MCM6: variants seen among roughly 807,000 people sequenced by gnomAD.
The protein encoded by MCM6 is DNA replication licensing factor MCM6.
Under a neutral mutation model 94.3 loss-of-function variants are expected in MCM6, and 46 were observed. The observed-to-expected ratio is 0.49, with a 90% CI of 0.39 to 0.62. The LOEUF (loss-of-function observed/expected upper bound fraction) is 0.62. MCM6 is among the 20% of genes least tolerant of loss of function. The probability of loss-of-function intolerance (pLI) is 0.00; values close to 1 mark genes in which losing one functional copy is unlikely to be tolerated. For synonymous variants in MCM6, 335 were observed against 351.9 expected, an observed-to-expected ratio of 0.95 and a Z score of 0.54; for missense variants, 865 against 1,017.9, an observed-to-expected ratio of 0.85 and a Z score of 2.04.
chr2:135,856,996 A>C, intron 10 of MCM6, 113 bp from the exon 11 acceptor site: 1 of 909,532 alleles, frequency 1.1e-6, no homozygotes, highest in Non-Finnish European at 1.6e-6. Context: ...AAATAATGAC[A>C]TACCCTTTTT....
At chr2:135,843,372 T>C (rs1679608181) in intron 16 of MCM6, among the ~76,000 whole-genome samples, 1 of 152,160 alleles carries the variant, frequency 6.6e-6, no homozygotes, top group African/African-American at 2.4e-5. Context: ...AGTAGATGGA[T>C]AAATTCATAA....
intron 13 of MCM6, 30 bp downstream of exon 13, chr2:135,851,372 G>A: frequency 1.3e-6 from 2 of 1,580,876 alleles, no homozygotes; most frequent in Non-Finnish European, 1.7e-6. Flanking sequence ...GTTTATCTCT[G>A]CTCTCATCAT....
At chr2:135,866,330 AT>A in intron 5 of MCM6, 53 bp from the exon 6 acceptor site, 1 of 1,593,996 alleles carries the variant, frequency 6.3e-7, no homozygotes, top group Non-Finnish European at 8.6e-7. Flanking sequence ...GGTGCTGAAC[AT>A]CAAAATTGCT....
intron 1 of MCM6, among the ~76,000 whole-genome samples, chr2:135,874,569 G>A (rs1020150197): frequency 9.9e-5 from 15 of 152,248 alleles, no homozygotes; most frequent in Non-Finnish European, 1.6e-4. Flanking sequence ...AAGGTGGAAT[G>A]AACCTGTGTC....
intron 12 of MCM6, chr2:135,852,086 C>T (rs1679787781): frequency 6.6e-6 from 1 of 152,224 alleles, no homozygotes; most frequent in African/African-American, 2.4e-5. Context: ...AGAACAGATG[C>T]TCTTTTTTAC....
chr2:135,868,606 A>G lies in MCM6; in HGVS notation c.615+5T>C. On this transcript the variant is annotated splice_donor_5th_base_variant and intron_variant, in intron 4 of 16. Coordinates refer to ENST00000264156, the MANE Select transcript of MCM6 (RefSeq NM_005915.6). ...CTCTGATCTAAACAGATGTTAAATA[A>G]ATACCTTTTGAAAATCAACAAATCT... The G allele has an allele frequency of 1.2e-6, 2 of 1,613,702 alleles. No individual in the cohort carries two copies. The highest frequency in any genetic ancestry group is 1.7e-6 in the Non-Finnish European group (2 of 1,179,572).
At chr2:135,867,909 C>T (rs546105483) in intron 4 of MCM6, among the ~76,000 whole-genome samples, 2 of 152,212 alleles carry the variant, frequency 1.3e-5, no homozygotes, top group South Asian at 4.1e-4. Flanking sequence ...CACCTGTAGT[C>T]CCAGCTACTC....
intron 13 of MCM6, among the ~76,000 whole-genome samples, chr2:135,849,652 A>G (rs1187000044): frequency 2.6e-5 from 4 of 152,194 alleles, no homozygotes; most frequent in African/African-American, 9.7e-5. Context: ...CATGGTACCA[A>G]TGTAAGAGGA....
At position 135,842,507 on chromosome 2, in the gene MCM6, C is replaced by T. The variant is rs567043169; in HGVS notation, c.2350-1556G>A. Among the ~76,000 whole-genome samples, 16 of 152,238 alleles carry T rather than the reference C, an allele frequency of 1.1e-4. No individual in the cohort carries two copies. In the South Asian group the frequency reaches 2.5e-3, roughly 24 times the overall value. On this transcript the variant is annotated intron_variant, in intron 16 of 16. Coordinates refer to ENST00000264156, the MANE Select transcript of MCM6 (RefSeq NM_005915.6). ...TATGTGCCAGGTACCACTGTAGCTC[C>T]GGGGCAAAGTCTCTACCCTCACAGA... is the stretch of plus-strand genomic sequence containing the variant.
intron 2 of MCM6, among the ~76,000 whole-genome samples, chr2:135,870,611 T>C (rs1421982316): frequency 6.6e-6 from 1 of 152,234 alleles, no homozygotes. Flanking sequence ...TAAATAATCA[T>C]ACAGCACCCA....
intron 6 of MCM6, 62 bp from the exon 7 acceptor site, chr2:135,865,225 G>C: frequency 8.5e-7 from 1 of 1,171,066 alleles, no homozygotes; most frequent in African/African-American, 1.6e-5. Flanking sequence ...GCATAAAGGA[G>C]AAGAAACTTC....
chr2:135,844,422 T>C (rs964006965), intron 16 of MCM6, 123 bp downstream of exon 16: 1 of 757,592 alleles, frequency 1.3e-6, no homozygotes, highest in Non-Finnish European at 1.9e-6. Flanking sequence ...CTCATACTTC[T>C]GACTACACTC....
At chr2:135,853,817 A>C (rs1477520763) in intron 11 of MCM6, among the ~76,000 whole-genome samples, 1 of 152,218 alleles carries the variant, frequency 6.6e-6, no homozygotes, top group Non-Finnish European at 1.5e-5. Flanking sequence ...GACAGTAAGC[A>C]ATAAAGCAAA....
chr2:135,854,786 TTG>T (rs2105579912), intron 11 of MCM6, among the ~76,000 whole-genome samples: 1 of 152,020 alleles, frequency 6.6e-6, no homozygotes, highest in East Asian at 1.9e-4. Context: ...GGTGGGAGGA[TTG>T]TGTTAGCCCA....
At chr2:135,872,915 A>G in intron 1 of MCM6, 72 bp from the exon 2 acceptor site, 3 of 1,556,834 alleles carry the variant, frequency 1.9e-6, no homozygotes, top group East Asian at 2.3e-5. Context: ...AATTCAGAAC[A>G]TTGGTTAAAG....
chr2:135,863,854 TA>T (rs1378709102), intron 7 of MCM6, among the ~76,000 whole-genome samples: 1 of 152,092 alleles, frequency 6.6e-6, no homozygotes, highest in Non-Finnish European at 1.5e-5. Context: ...CTCATGCCTG[TA>T]ATCTCAGCAC....
At chr2:135,847,915 G>T in intron 14 of MCM6, 138 bp downstream of exon 14, 1 of 602,678 alleles carries the variant, frequency 1.7e-6, no homozygotes, top group Non-Finnish European at 3.0e-6. Context: ...TGTAAACAGT[G>T]AATAGAATTC....
chr2:135,862,409 T>C (rs1258597091), intron 8 of MCM6, among the ~76,000 whole-genome samples, 198 bp downstream of exon 8: 1 of 152,104 alleles, frequency 6.6e-6, no homozygotes, highest in Non-Finnish European at 1.5e-5. Flanking sequence ...CAATGTGAGA[T>C]TGGTATTACA....
intron 7 of MCM6, among the ~76,000 whole-genome samples, chr2:135,864,038 G>T (rs561431468): frequency 2.0e-5 from 3 of 151,690 alleles, no homozygotes; most frequent in African/African-American, 7.3e-5. Context: ...TTGAACCCGG[G>T]AGGCAGAGGT....
Sources: gnomAD v4.1 joint callset for allele counts (sites outside exome capture counted in the v4.1 genomes callset) on GRCh38, gnomAD v4.1.1 for gene constraint, MANE v1.5 for transcripts, NCBI Gene and HGNC (gene_info 2026-07-23, HGNC 2026-07-21) for gene names.